ATRN: variants seen among roughly 807,000 people sequenced by gnomAD.
ATRN encodes attractin.
Under a neutral mutation model 178.7 loss-of-function variants are expected in ATRN, and 54 were observed. That is an observed-to-expected ratio of 0.30 (90% CI 0.24 to 0.38). ATRN has a LOEUF of 0.38. Among genes scored for constraint, ATRN ranks in the 10% least tolerant of loss-of-function variants. The probability of loss-of-function intolerance (pLI) is 1.00; values close to 1 mark genes in which losing one functional copy is unlikely to be tolerated. For missense variants in ATRN, 1,443 were observed against 1,815.1 expected, an observed-to-expected ratio of 0.79 and a Z score of 3.73; for synonymous variants, 636 against 663.0, an observed-to-expected ratio of 0.96 and a Z score of 0.63.
chr20:3,523,568 A>G (rs1361269457), intron 1 of ATRN, among the ~76,000 whole-genome samples: 2 of 152,122 alleles, frequency 1.3e-5, no homozygotes, highest in African/African-American at 4.8e-5. Flanking sequence ...TACAGAGAAC[A>G]CCACAAAGAT....
chr20:3,480,002 A>G (rs535840332), intron 1 of ATRN, among the ~76,000 whole-genome samples: 2 of 152,324 alleles, frequency 1.3e-5, no homozygotes, highest in Admixed American at 6.5e-5. Flanking sequence ...GGACTTTGAC[A>G]TATCTTTTTG....
intron 1 of ATRN, among the ~76,000 whole-genome samples, chr20:3,476,597 G>A (rs1333442636): frequency 6.6e-6 from 1 of 152,212 alleles, no homozygotes; most frequent in Non-Finnish European, 1.5e-5. Flanking sequence ...AGTGGCTCAC[G>A]CCTGTAATCC....
rs2086363253 is a variant in ATRN at position 3,586,783 on chromosome 20, T to C, written c.3184+1903T>C. On this transcript the variant is annotated intron_variant, in intron 18 of 28. Coordinates refer to ENST00000262919, the MANE Select transcript of ATRN (RefSeq NM_139321.3). The stretch of plus-strand genomic sequence containing the variant: ...AGAAAGTAGATGTTTAGTGGTTTCC[T>C]AGGGCTGGGGATGGAAACAAGGAAT... Among the ~76,000 whole-genome samples, 5 of 152,372 alleles carry C rather than the reference T, an allele frequency of 3.3e-5. No individual in the cohort carries two copies. In the South Asian group the frequency reaches 1.0e-3, roughly 32 times the overall value.
intron 1 of ATRN, among the ~76,000 whole-genome samples, chr20:3,489,001 C>G (rs1257744359): frequency 6.6e-6 from 1 of 152,110 alleles, no homozygotes; most frequent in Non-Finnish European, 1.5e-5. Flanking sequence ...CACTCTGTTG[C>G]CCAGGCTGGA....
rs148044221 is a variant in ATRN, at chr20:3,545,791, A to G, written c.638A>G (p.Asn213Ser). The part of the protein sequence containing the change: ...SGLIVPERDG[N>S]ETVPEVVATS... ...CTCATTGTTCCTGAGAGAGATGGCA[A>G]TGAGACTGTCCCTGAGGTTGTTGCC... Residue 213 changes from asparagine (N) to serine (S), a missense_variant, in exon 4 of 29, where the codon AAT becomes AGT. By Grantham distance (46) the Asn-to-Ser change is conservative (BLOSUM62 1). This residue lies in a region of ATRN where 862 missense variants were observed against 972.1 expected (regional missense o/e 0.89). Transcript: ENST00000262919. 4.6e-5 allele frequency: 74 copies of G among 1,614,098 alleles called. No individual in the cohort carries two copies. The highest frequency in any genetic ancestry group is 1.3e-4 in the African/African-American group (10 of 75,050).
rs1322635015 is a variant in ATRN, at chr20:3,642,025, A to G, written c.4051-2129A>G. 2.0e-5 allele frequency among the ~76,000 whole-genome samples: 3 copies of G among 152,254 alleles called. No homozygotes were observed. In the South Asian group the frequency reaches 6.2e-4, roughly 32 times the overall value. On this transcript the variant is annotated intron_variant, in intron 27 of 28. Coordinates refer to ENST00000262919, the MANE Select transcript of ATRN (RefSeq NM_139321.3). ...GAACAACATGATATATGTCAGCAGC[A>G]TATGACACAGTTAGTTGCTCCTTAA...
At chr20:3,628,326 C>T (rs557655398) in intron 25 of ATRN, among the ~76,000 whole-genome samples, 52 of 152,118 alleles carry the variant, frequency 3.4e-4, no homozygotes, top group Admixed American at 5.9e-4. Flanking sequence ...AAAAAGTCAA[C>T]AGCAAACCAC....
At chr20:3,545,379 AAAC>A (rs1184612732) in intron 3 of ATRN, among the ~76,000 whole-genome samples, 2 of 151,764 alleles carry the variant, frequency 1.3e-5, no homozygotes, top group Non-Finnish European at 2.9e-5. Context: ...AAAAAAAAAA[AAAC>A]AACAAAAACC....
intron 22 of ATRN, among the ~76,000 whole-genome samples, 176 bp downstream of exon 22, chr20:3,598,176 G>A (rs1316478913): frequency 6.6e-6 from 1 of 152,146 alleles, no homozygotes; most frequent in East Asian, 1.9e-4. Flanking sequence ...CCACATAAAA[G>A]GCAAAAGTGA....
rs142046889 is a variant in ATRN at position 3,530,813 on chromosome 20, C to T, written c.411-4440C>T. ...AGAAAAGTTGAGATTTTATAGGCTG[C>T]GTTGTCTGGTAATAATACTGGTAAA... On this transcript the variant is annotated intron_variant, in intron 1 of 28. Coordinates refer to ENST00000262919, the MANE Select transcript of ATRN (RefSeq NM_139321.3). Among the ~76,000 whole-genome samples, 13 of 151,978 alleles carry T rather than the reference C, an allele frequency of 8.6e-5. No homozygotes were observed. In the East Asian group the frequency reaches 1.9e-3, roughly 23 times the overall value.
At chr20:3,551,848 G>A (rs2085792226) in intron 6 of ATRN, among the ~76,000 whole-genome samples, 1 of 152,036 alleles carries the variant, frequency 6.6e-6, no homozygotes, top group Non-Finnish European at 1.5e-5. Flanking sequence ...GCCCCTTTAT[G>A]GTCATCTTTT....
At chr20:3,511,284 A>G (rs1434451089) in intron 1 of ATRN, among the ~76,000 whole-genome samples, 3 of 152,204 alleles carry the variant, frequency 2.0e-5, no homozygotes, top group African/African-American at 4.8e-5. Context: ...ATTAACAAAG[A>G]CAAACATTAG....
intron 1 of ATRN, among the ~76,000 whole-genome samples, chr20:3,519,006 T>TATAAAAA (rs770584938): frequency 2.9e-4 from 35 of 119,478 alleles, no homozygotes; most frequent in Admixed American, 4.4e-4. Flanking sequence ...TCCTTATATA[T>TATAAAAA]AAAAAAAAAA....
intron 25 of ATRN, among the ~76,000 whole-genome samples, chr20:3,630,174 C>G (rs1484835167): frequency 1.3e-5 from 2 of 152,310 alleles, no homozygotes; most frequent in East Asian, 3.9e-4. Context: ...ACTCCTGTCC[C>G]TCTGAAAATT....
rs140051948 is a variant in ATRN at position 3,595,571 on chromosome 20, A to G, written c.3417-806A>G. On this transcript the variant is annotated intron_variant, in intron 20 of 28. Coordinates refer to ENST00000262919, the MANE Select transcript of ATRN (RefSeq NM_139321.3). ...AAGGTTAAATTTAACTTTTAGGTCC[A>G]CATTCCCTTAAACAGAAAAATGTCA... Among the ~76,000 whole-genome samples, 414 of 152,346 alleles carry G rather than the reference A, an allele frequency of 2.7e-3. 1 individual carries two copies. Among genetic ancestry groups the G allele is most frequent in the African/African-American group, 9.6e-3 (400 of 41,582 alleles).
intron 1 of ATRN, chr20:3,491,149 G>T: frequency 1.9e-6 from 1 of 514,792 alleles, no homozygotes. Flanking sequence ...CTCTCTGGGG[G>T]AAAAAAATCA....
intron 1 of ATRN, among the ~76,000 whole-genome samples, chr20:3,527,266 G>T (rs1357228729): frequency 6.6e-6 from 1 of 152,046 alleles, no homozygotes; most frequent in Non-Finnish European, 1.5e-5. Context: ...GTGGGCAAAG[G>T]ATATGAACAG....
intron 1 of ATRN, among the ~76,000 whole-genome samples, chr20:3,506,023 T>G (rs1342062968): frequency 6.6e-6 from 1 of 152,146 alleles, no homozygotes; most frequent in African/African-American, 2.4e-5. Context: ...CTTGAATCTA[T>G]ACAGGTGACA....
intron 1 of ATRN, among the ~76,000 whole-genome samples, chr20:3,521,356 A>C (rs1047883646): frequency 6.6e-6 from 1 of 152,188 alleles, no homozygotes; most frequent in Non-Finnish European, 1.5e-5. Flanking sequence ...AAAAAACCCA[A>C]AAACAAAGTA....
Sources: allele counts gnomAD v4.1 joint callset (sites outside exome capture counted in the v4.1 genomes callset), GRCh38; gene constraint gnomAD v4.1.1; regional missense constraint gnomAD v4.1.1; transcripts MANE v1.5; gene names NCBI Gene and HGNC (gene_info 2026-07-23, HGNC 2026-07-21).